Variants in EPB41L5 observed in about 807,000 individuals in gnomAD.
EPB41L5 encodes the protein erythrocyte membrane protein band 4.1 like 5.
A neutral mutation model predicts 106.6 loss-of-function variants in EPB41L5; 55 were observed. That is an observed-to-expected ratio of 0.52 (90% CI 0.42 to 0.65). The LOEUF (loss-of-function observed/expected upper bound fraction) is 0.65, where lower values mean the gene tolerates loss of function less well. EPB41L5 is among the 30% of genes least tolerant of loss of function. The probability of loss-of-function intolerance (pLI) is 0.00; values close to 1 mark genes in which losing one functional copy is unlikely to be tolerated. For synonymous variants in EPB41L5, 297 were observed against 306.7 expected (o/e 0.97, Z 0.33); for missense variants, 871 against 882.1 (o/e 0.99, Z 0.16).
At chr2:120,042,995 ATGTGTGTGTGTGTG>A (rs60253351) in intron 3 of EPB41L5, among the ~76,000 whole-genome samples, 718 of 70,092 alleles carry the variant, frequency 0.01, 2 homozygotes, top group African/African-American at 0.022. Flanking sequence ...TTTTCTGGAA[ATGTGTGTGTGTGTG>A]TGTGTGTGTG....
intron 10 of EPB41L5, among the ~76,000 whole-genome samples, chr2:120,083,320 G>T (rs1167088070): frequency 6.6e-6 from 1 of 152,144 alleles, no homozygotes; most frequent in African/African-American, 2.4e-5. Context: ...GTTCTCATTG[G>T]TTTCAAAGAA....
intron 3 of EPB41L5, among the ~76,000 whole-genome samples, chr2:120,058,109 A>C (rs541783883): frequency 6.6e-6 from 1 of 152,236 alleles, no homozygotes; most frequent in South Asian, 2.1e-4. Flanking sequence ...CTCCAAGAAG[A>C]AATATGGTTT....
At chr2:120,168,149 G>C in intron 24 of EPB41L5, 142 bp downstream of exon 24, 1 of 993,940 alleles carries the variant, frequency 1.0e-6, no homozygotes, top group Non-Finnish European at 1.4e-6. Flanking sequence ...TTTTCTGTTT[G>C]TTATTTAGTG....
At chr2:120,015,189 T>C (rs1030259277) in intron 1 of EPB41L5, among the ~76,000 whole-genome samples, 1 of 151,778 alleles carries the variant, frequency 6.6e-6, no homozygotes, top group Non-Finnish European at 1.5e-5. Flanking sequence ...TAGCCGGTCG[T>C]AGCGGCGGGC....
intron 2 of EPB41L5, among the ~76,000 whole-genome samples, chr2:120,026,040 A>G (rs2105149043): frequency 6.6e-6 from 1 of 152,320 alleles, no homozygotes; most frequent in African/African-American, 2.4e-5. Context: ...TAGTCTTTTT[A>G]ACAAACGGTA....
intron 16 of EPB41L5, among the ~76,000 whole-genome samples, chr2:120,112,048 C>G (rs991160346): frequency 6.6e-6 from 1 of 152,262 alleles, no homozygotes; most frequent in East Asian, 1.9e-4. Flanking sequence ...CCTTTCCTGA[C>G]CACTCTGAAA....
intron 20 of EPB41L5, among the ~76,000 whole-genome samples, chr2:120,157,790 CAAA>C (rs950407156): frequency 2.0e-5 from 3 of 147,472 alleles, no homozygotes; most frequent in Non-Finnish European, 4.5e-5. Flanking sequence ...AAAAAAAATC[CAAA>C]AAAACCACAA....
chr2:120,114,806 G>T (rs1424475340), intron 16 of EPB41L5, among the ~76,000 whole-genome samples: 1 of 152,128 alleles, frequency 6.6e-6, no homozygotes, highest in African/African-American at 2.4e-5. Flanking sequence ...TCAGTCTTTG[G>T]TTTATGATAC....
chr2:120,099,010 A>T (rs942248930), intron 14 of EPB41L5, among the ~76,000 whole-genome samples: 1 of 152,258 alleles, frequency 6.6e-6, no homozygotes, highest in Non-Finnish European at 1.5e-5. Flanking sequence ...TTACTTTTAA[A>T]TCTGCTCGGG....
intron 22 of EPB41L5, among the ~76,000 whole-genome samples, chr2:120,165,892 T>G (rs569383207): frequency 7.6e-6 from 1 of 132,058 alleles, no homozygotes; most frequent in African/African-American, 2.9e-5. Context: ...TGCTGGAACC[T>G]GGGAGATGGA....
chr2:120,142,752 G>A (rs1282908445), intron 18 of EPB41L5, among the ~76,000 whole-genome samples: 3 of 152,134 alleles, frequency 2.0e-5, no homozygotes, highest in Non-Finnish European at 4.4e-5. Flanking sequence ...ACAGGTGGTT[G>A]GCCAGATTTG....
At chr2:120,048,397 A>T (rs147485200) in intron 3 of EPB41L5, among the ~76,000 whole-genome samples, 1 of 152,054 alleles carries the variant, frequency 6.6e-6, no homozygotes, top group African/African-American at 2.4e-5. Flanking sequence ...GGGAGGGTGT[A>T]TGTGTCCAGG....
At chr2:120,136,081 A>C (rs538946937) in intron 18 of EPB41L5, among the ~76,000 whole-genome samples, 5 of 151,824 alleles carry the variant, frequency 3.3e-5, no homozygotes, top group African/African-American at 1.2e-4. Context: ...AAAAAGTTAA[A>C]AAGCTGGGGG....
chr2:120,037,911 CAT>C (rs1353143206), intron 2 of EPB41L5, among the ~76,000 whole-genome samples: 1 of 152,066 alleles, frequency 6.6e-6, no homozygotes, highest in Non-Finnish European at 1.5e-5. Context: ...GGCTCAAAGA[CAT>C]AGAGACCTAA....
At chr2:120,066,106 A>T (rs1171606741) in intron 3 of EPB41L5, among the ~76,000 whole-genome samples, 1 of 152,088 alleles carries the variant, frequency 6.6e-6, no homozygotes, top group Non-Finnish European at 1.5e-5. Flanking sequence ...ACTGGGGGGA[A>T]CTGATGACCA....
chr2:120,035,396 G>T (rs1016387287), intron 2 of EPB41L5, among the ~76,000 whole-genome samples: 1 of 152,182 alleles, frequency 6.6e-6, no homozygotes. Flanking sequence ...ACCATGCCTG[G>T]CTGTTTTTTT....
rs987526017 is a variant in EPB41L5, at chr2:120,049,165, A to G, written c.285+7055A>G. Among the ~76,000 whole-genome samples the G allele has an allele frequency of 1.4e-4, 22 of 152,142 alleles. 3 individuals are homozygous for G. Among genetic ancestry groups the G allele is most frequent in the Admixed American group, 1.2e-3 (18 of 15,270 alleles). ...TGATTTGGGGTGGAGAGTTCTGCAGATATCTATTAGGTCTGCATGGTGCAG... is the reference window on the plus strand; with the variant it reads ...TGATTTGGGGTGGAGAGTTCTGCAGGTATCTATTAGGTCTGCATGGTGCAG... On this transcript the variant is annotated intron_variant, in intron 3 of 24. Coordinates refer to ENST00000263713, the MANE Select transcript of EPB41L5 (RefSeq NM_020909.4).
intron 14 of EPB41L5, among the ~76,000 whole-genome samples, chr2:120,098,308 C>A (rs916499301): frequency 6.6e-6 from 1 of 151,984 alleles, no homozygotes; most frequent in African/African-American, 2.4e-5. Context: ...CTCCTGGGAT[C>A]AGGCAGTCCT....
intron 16 of EPB41L5, among the ~76,000 whole-genome samples, chr2:120,119,315 G>GTTTTTGT (rs2105444241): frequency 1.3e-5 from 2 of 151,722 alleles, no homozygotes; most frequent in East Asian, 3.9e-4. Context: ...GTTTGTCTTT[G>GTTTTTGT]TTTTTGTTTT....
Sources: allele counts gnomAD v4.1 joint callset (sites outside exome capture counted in the v4.1 genomes callset), GRCh38; gene constraint gnomAD v4.1.1; transcripts MANE v1.5; gene names NCBI Gene and HGNC (gene_info 2026-07-23, HGNC 2026-07-21).